HRNR: variants seen among roughly 807,000 people sequenced by gnomAD.
HRNR encodes the protein filaggrin family member 3.
Under a neutral mutation model 4.8 loss-of-function variants are expected in HRNR, and 7 were observed. That is an observed-to-expected ratio of 1.47 (90% confidence interval 0.83 to 2.75). The LOEUF is 2.75. Ranked by LOEUF, HRNR falls within the 30% of genes most tolerant of loss-of-function variation. The probability of loss-of-function intolerance (pLI) is 0.00; values close to 1 mark genes in which losing one functional copy is unlikely to be tolerated. For missense variants in HRNR, 2,879 were observed against 3,010.4 expected (o/e 0.96, Z 1.02); for synonymous variants, 1,023 against 1,242.7 (o/e 0.82, Z 3.72).
rs201506455 is a variant in HRNR, at chr1:152,219,245, C to T, written c.2384G>A (p.Gly795Glu). The T allele has an allele frequency of 1.8e-5, 29 of 1,613,640 alleles. No homozygotes were observed. Among genetic ancestry groups the T allele is most frequent in the Non-Finnish European group, 2.3e-5 (27 of 1,179,760 alleles). ...GCTGGAAGAACAACTTGTGCCAGAC[C>T]CGTGTTGGCCGTGGCTGGAGGAGTG... is the stretch of plus-strand genomic sequence containing the variant. ...SGHSSSHGQH[G>E]SGTSCSSSCG... Residue 795 changes from glycine to glutamate, a missense_variant, in exon 3 of 3, where the codon GGG becomes GAG. Around this residue, in one of 8 missense-constraint regions of HRNR, gnomAD observed 2,646 missense variants for 1,377.7 expected, o/e 1.92. Transcript: ENST00000368801.
rs1336355805 is a variant in HRNR, at chr1:152,220,661, C to T, written c.968G>A (p.Gly323Asp). 1.2e-6 allele frequency: 2 copies of T among 1,612,154 alleles called. No homozygotes were observed. Among genetic ancestry groups the T allele is most frequent in the South Asian group, 2.2e-5 (2 of 90,906 alleles). Residue 323 changes from glycine to aspartate, a missense_variant, in exon 3 of 3, where the codon GGC (glycine) becomes GAC (aspartate). Gly to Asp is a moderately conservative substitution (Grantham distance 94). Transcript: ENST00000368801. The part of the protein sequence containing the change: ...GSGSGHSSSH[G>D]QHGSGSSYSY... ...GTAACTTGAGCCAGACCCGTGTTGG[C>T]CGTGGCTGGAGGAGTGCCCCGAACC...
At chr1:152,221,574 T>C (rs951583457) in intron 2 of HRNR, 84 bp from the exon 3 acceptor site, 7 of 1,061,686 alleles carry the variant, frequency 6.6e-6, no homozygotes, top group Admixed American at 4.7e-5. Flanking sequence ...GATGTGAAAA[T>C]GTAAATGTTT....
Position 152,219,029 on chromosome 1 carries a change from T to C in HRNR, c.2600A>G (p.Tyr867Cys), listed in dbSNP as rs1648802499. The change falls in exon 3 of 3, where the codon TAT becomes TGT. Residue 867 changes from tyrosine to cysteine, a missense_variant. Physicochemically the swap from Tyr to Cys is radical, Grantham distance 194. Transcript: ENST00000368801. ...HDSSSGQSSS[Y>C]GQHESASHHA... ...ATGGGAGGCAGACTCATGCTGACCA[T>C]AGCTGGAAGATTGACCTGAGCTAGA... 3 of 1,613,744 alleles carry C rather than the reference T, an allele frequency of 1.9e-6. No individual in the cohort carries two copies. Among genetic ancestry groups the C allele is most frequent in the South Asian group, 1.1e-5 (1 of 91,042 alleles).
At position 152,212,650 on chromosome 1, in the gene HRNR, T is replaced by A. The variant is rs1024270324; in HGVS notation, c.*426A>T. 3.8e-5 allele frequency: 7 copies of A among 184,624 alleles called. No homozygotes were observed. The highest frequency in any genetic ancestry group is 7.9e-5 in the Non-Finnish European group (7 of 88,674). The allele number at this position is 184,624 out of a possible 1,614,324, so 11.4% of individuals were successfully genotyped here. ...CACACTAAAAATTAGGGTACACTAA[T>A]TGCTGTAAAACAAAGCTTTGTATCT... is the stretch of plus-strand genomic sequence containing the variant. On this transcript the variant is annotated 3_prime_UTR_variant, in exon 3 of 3. Coordinates refer to ENST00000368801, the MANE Select transcript of HRNR (RefSeq NM_001009931.3).
chr1:152,218,922 A>C lies in HRNR; in HGVS notation c.2707T>G (p.Ser903Ala). 1 of 1,613,494 alleles carries C rather than the reference A, an allele frequency of 6.2e-7. No homozygotes were observed. Among genetic ancestry groups the C allele is most frequent in the African/African-American group, 1.3e-5 (1 of 74,798 alleles). The change falls in exon 3 of 3, where the codon TCT (serine) becomes GCT (alanine). Residue 903 changes from serine (S) to alanine (A), a missense_variant. Ser to Ala is a moderately conservative substitution (Grantham distance 99, BLOSUM62 1). Around this residue, in one of 8 missense-constraint regions of HRNR, gnomAD observed 2,646 missense variants for 1,377.7 expected, o/e 1.92. Coordinates refer to ENST00000368801, the MANE Select transcript of HRNR (RefSeq NM_001009931.3). The part of the protein sequence containing the change: ...HGQRGSGSGQ[S>A]PSYGRHGSGS... ...GACCCATGTCGGCCATAGCTGGGAGACTGCCCTGACCCAGACCCACGCTGG... is the reference window on the plus strand; with the variant it reads ...GACCCATGTCGGCCATAGCTGGGAGCCTGCCCTGACCCAGACCCACGCTGG...
In HRNR at chr1:152,218,399, C is replaced by G; in HGVS notation, c.3230G>C (p.Gly1077Ala). ...CTGTCCTGATGTAGAACCGTGTTGCCCATGGGTAGAGGAATGACCTGAGCT... is the reference window on the plus strand; with the variant it reads ...CTGTCCTGATGTAGAACCGTGTTGCGCATGGGTAGAGGAATGACCTGAGCT... ...GSSSGHSSTH[G>A]QHGSTSGQSS... The change falls in exon 3 of 3, where the codon GGG (glycine) becomes GCG (alanine). Residue 1077 changes from glycine (G) to alanine (A), a missense_variant. By Grantham distance (60) the Gly-to-Ala change is moderately conservative (BLOSUM62 0). This residue lies in a region of HRNR where 2,646 missense variants were observed against 1,377.7 expected (regional missense o/e 1.92). Coordinates refer to ENST00000368801, the MANE Select transcript of HRNR (RefSeq NM_001009931.3). 2 of 1,612,624 alleles carry G rather than the reference C, an allele frequency of 1.2e-6. No individual in the cohort carries two copies. The highest frequency in any genetic ancestry group is 1.7e-6 in the Non-Finnish European group (2 of 1,179,910).
chr1:152,219,567 T>C lies in HRNR; in HGVS notation c.2062A>G (p.Asn688Asp), dbSNP rs371880867. 5.1e-5 allele frequency: 82 copies of C among 1,607,942 alleles called. 1 individual carries two copies. In the South Asian group the frequency reaches 8.8e-4, roughly 17 times the overall value. Residue 688 changes from asparagine (N) to aspartate (D), a missense_variant, in exon 3 of 3, where the codon AAT (asparagine) becomes GAT (aspartate). Asn to Asp is a conservative substitution (Grantham distance 23). Around this residue, in one of 8 missense-constraint regions of HRNR, gnomAD observed 2,646 missense variants for 1,377.7 expected, o/e 1.92. Coordinates refer to ENST00000368801, the MANE Select transcript of HRNR (RefSeq NM_001009931.3). ...CCTGAGACAGACCCATGTGGGCCAT[T>C]GCTTGAAGACCAACCGGAGCCAGAC... ...HGSGSGWSSS[N>D]GPHGSVSGQS...
rs777236928 is a variant in HRNR at position 152,221,161 on chromosome 1, GGAT to G, written c.465_467del (p.Ser156del). The G allele has an allele frequency of 5.0e-6, 8 of 1,614,096 alleles. No individual in the cohort carries two copies. The African/African-American group carries it at 6.7e-5, about 13-fold the overall frequency. ...AGTCTCTTTGAAAACTCAGTCTTCT[GGAT>G]ATGGATTCAGTCCCAGGTTTAAGAC... On this transcript the variant is annotated inframe_deletion, in exon 3 of 3. Transcript: ENST00000368801.
At position 152,213,186 on chromosome 1, in the gene HRNR, C is replaced by A. The variant is rs1223486526; in HGVS notation, c.8443G>T (p.Gly2815Ter). The change falls in exon 3 of 3, where the codon GGA becomes TGA. Residue 2815 changes from glycine to a stop codon, truncating the protein, a stop_gained. Transcript: ENST00000368801. LOFTEE classifies it low-confidence loss of function (END_TRUNC). The stretch of plus-strand genomic sequence containing the variant: ...CTTCCCCCATCATGGTTACTTCCTC[C>A]TTTGCAATAAGAATACCCATCTTGC... ...SGQDGYSYCK[G>*]GSNHDGGSSG... 4 of 1,614,112 alleles carry A rather than the reference C, an allele frequency of 2.5e-6. No individual in the cohort carries two copies. In the South Asian group the frequency reaches 3.3e-5, roughly 13 times the overall value.
At position 152,212,916 on chromosome 1, in the gene HRNR, A is replaced by T; in HGVS notation, c.*160T>A. The T allele has an allele frequency of 2.1e-6, 2 of 973,166 alleles. No homozygotes were observed. The highest frequency in any genetic ancestry group is 3.0e-6 in the Non-Finnish European group (2 of 673,676). The allele number at this position is 973,166 out of a possible 1,614,324, so 60.3% of individuals were successfully genotyped here. On this transcript the variant is annotated 3_prime_UTR_variant, in exon 3 of 3. Transcript: ENST00000368801. The stretch of plus-strand genomic sequence containing the variant: ...TTTGGAAGGAACCCCATAACAAGAT[A>T]TATGCTACAGTTTTAGGCTCTAAAG...
chr1:152,219,148 G>A lies in HRNR; in HGVS notation c.2481C>T (p.Gly827=), dbSNP rs1441830748. The A allele has an allele frequency of 1.9e-6, 3 of 1,613,466 alleles. No homozygotes were observed. In the South Asian group the frequency reaches 3.3e-5, roughly 18 times the overall value. ...CTGAGGCAGAACCATGCTGACTATA[G>A]CCCTGTCCTGAGCCAGACTCGTGTT... is the stretch of plus-strand genomic sequence containing the variant. ...FGQHESGSGQ[G]YSQHGSASGH... Residue 827 remains glycine (G), a synonymous_variant, in exon 3 of 3, where the codon GGC becomes GGT. Coordinates refer to ENST00000368801, the MANE Select transcript of HRNR (RefSeq NM_001009931.3).
rs72477389 is a variant in HRNR at position 152,220,337 on chromosome 1, G to A, written c.1292C>T (p.Ser431Phe). 6.7e-4 allele frequency: 1,086 copies of A among 1,613,156 alleles called. 27 individuals are homozygous for A. The East Asian group carries it at 0.014, about 20-fold the overall frequency. ...GGAGCTGGGAGACTGCCCTGACCCA[G>A]ACCCACGCTGGCCGTGGCCTGGAGA... ...GQSPGHGQRG[S>F]GSGQSPSSGQ... is the part of the protein sequence containing the mutation. The change falls in exon 3 of 3, where the codon TCT becomes TTT. Residue 431 changes from serine (S) to phenylalanine (F), a missense_variant. Physicochemically the swap from Ser to Phe is radical, Grantham distance 155. Coordinates refer to ENST00000368801, the MANE Select transcript of HRNR (RefSeq NM_001009931.3).
Position 152,213,416 on chromosome 1 carries a change from G to A in HRNR, c.8213C>T (p.Ser2738Phe). The A allele has an allele frequency of 1.1e-6, 1 of 912,696 alleles. No individual in the cohort carries two copies. Among genetic ancestry groups the A allele is most frequent in the South Asian group, 1.3e-5 (1 of 77,776 alleles). The allele number at this position is 912,696 out of a possible 1,614,324, so 56.5% of individuals were successfully genotyped here. A position where few individuals can be genotyped will look rare whatever the true frequency, so the allele number is the denominator to read the frequency against. ...ATAGCTGGAAGACTGGCCTGTGCTA[G>A]ATCCCTCCTGGTCAAAGGTTGATGA... ...GQSSTFDQEG[S>F]STGQSSSYGH... The change falls in exon 3 of 3, where the codon TCT (serine) becomes TTT (phenylalanine). Residue 2738 changes from serine (S) to phenylalanine (F), a missense_variant. Transcript: ENST00000368801.
In HRNR at chr1:152,219,320, G is replaced by T. The variant is rs1648838823; in HGVS notation, c.2309C>A (p.Ser770Tyr). Residue 770 changes from serine to tyrosine, a missense_variant, in exon 3 of 3, where the codon TCT becomes TAT. By Grantham distance (144) the Ser-to-Tyr change is moderately radical. Coordinates refer to ENST00000368801, the MANE Select transcript of HRNR (RefSeq NM_001009931.3). The stretch of plus-strand genomic sequence containing the variant: ...ACGGCTAGGAGAGTGGCCAGATCCA[G>T]ACCCTTGTCGGCCGTGGCCCGAAGA... ...HQSSGHGRQGSGSGHSPSRVR... is the reference protein window; with the variant it reads ...HQSSGHGRQGYGSGHSPSRVR... 6.2e-7 allele frequency: 1 copy of T among 1,613,396 alleles called. No homozygotes were observed. The highest frequency in any genetic ancestry group is 8.5e-7 in the Non-Finnish European group (1 of 1,179,958).
chr1:152,221,174 G>T lies in HRNR; in HGVS notation c.455C>A (p.Thr152Asn). The T allele has an allele frequency of 6.2e-7, 1 of 1,614,200 alleles. No individual in the cohort carries two copies. Among genetic ancestry groups the T allele is most frequent in the South Asian group, 1.1e-5 (1 of 91,086 alleles). Residue 152 changes from threonine (T) to asparagine (N), a missense_variant, in exon 3 of 3, where the codon ACT becomes AAT. Transcript: ENST00000368801. ...ACTCAGTCTTCTGGATATGGATTCA[G>T]TCCCAGGTTTAAGACTTCCTCTGAC... Reference protein sequence around the residue: ...RNVRGSLKPGTESISRRLSFQ... With the variant: ...RNVRGSLKPGNESISRRLSFQ...
Position 152,220,891 on chromosome 1 carries a change from C to T in HRNR, c.738G>A (p.Gln246=). The T allele has an allele frequency of 6.2e-7, 1 of 1,614,058 alleles. No individual in the cohort carries two copies. Among genetic ancestry groups the T allele is most frequent in the Non-Finnish European group, 8.5e-7 (1 of 1,180,004 alleles). The change falls in exon 3 of 3, where the codon CAG becomes CAA. Residue 246 remains glutamine, a synonymous_variant. Transcript: ENST00000368801. ...SSSGQSSGYS[Q]HGSGSGHSSG... is the part of the protein sequence containing the mutation. ...AGGAGTGACCTGAGCCAGATCCATG[C>T]TGACTGTAACCAGAGGACTGCCCTG...
chr1:152,221,394 A>G lies in HRNR; in HGVS notation c.235T>C (p.Phe79Leu), dbSNP rs765864547. 3 of 1,613,724 alleles carry G rather than the reference A, an allele frequency of 1.9e-6. No homozygotes were observed. Among genetic ancestry groups the G allele is most frequent in the South Asian group, 1.1e-5 (1 of 91,064 alleles). The change falls in exon 3 of 3, where the codon TTC (phenylalanine) becomes CTC (leucine). Residue 79 changes from phenylalanine to leucine, a missense_variant. This residue lies in a region of HRNR where 2,646 missense variants were observed against 1,377.7 expected (regional missense o/e 1.92). Coordinates refer to ENST00000368801, the MANE Select transcript of HRNR (RefSeq NM_001009931.3). ...VDFTEYLLMI[F>L]KLVQARNKII... is the part of the protein sequence containing the mutation. ...TTATTACGAGCCTGAACCAGCTTGA[A>G]TATCATCAGAAGATACTCAGTAAAA...
rs535106109 is a variant in HRNR, at chr1:152,218,443, G to C, written c.3186C>G (p.Gly1062=). The change falls in exon 3 of 3, where the codon GGC becomes GGG. Residue 1062 remains glycine (G), a synonymous_variant. Coordinates refer to ENST00000368801, the MANE Select transcript of HRNR (RefSeq NM_001009931.3). ...HRESRSGQSS[G]YGQHGSSSGH... is the part of the protein sequence containing the mutation. ...CTGAGCTAGATCCATGTTGACCGTA[G>C]CCAGAGGACTGTCCTGAGCGAGACT... 7.3e-5 allele frequency: 118 copies of C among 1,613,402 alleles called. No individual in the cohort carries two copies. Among genetic ancestry groups the C allele is most frequent in the Non-Finnish European group, 9.2e-5 (109 of 1,179,974 alleles).
At chr1:152,222,298 T>C (rs191469510) in intron 2 of HRNR, among the ~76,000 whole-genome samples, 1 of 152,306 alleles carries the variant, frequency 6.6e-6, no homozygotes, top group East Asian at 1.9e-4. Flanking sequence ...AGGGACTAGA[T>C]TATGACTTTT....
Sources: allele counts gnomAD v4.1 joint callset (sites outside exome capture counted in the v4.1 genomes callset), GRCh38; gene constraint gnomAD v4.1.1; regional missense constraint gnomAD v4.1.1; transcripts MANE v1.5; gene names NCBI Gene and HGNC (gene_info 2026-07-23, HGNC 2026-07-21).